TAFA2: variants seen among roughly 807,000 people sequenced by gnomAD.
TAFA2 encodes the protein TAFA chemokine like family member 2, also known as chemokine-like protein TAFA-2.
A neutral mutation model predicts 18.8 loss-of-function variants in TAFA2; 7 were observed. That is an observed-to-expected ratio of 0.37 (90% CI 0.21 to 0.70). The LOEUF (loss-of-function observed/expected upper bound fraction) is 0.70. Ranked by LOEUF, TAFA2 falls within the 30% of genes least tolerant of loss-of-function variation. The probability of loss-of-function intolerance (pLI) is 0.53; values close to 1 mark genes in which losing one functional copy is unlikely to be tolerated. For synonymous variants in TAFA2, 60 were observed against 54.2 expected (o/e 1.11, Z -0.47); for missense variants, 122 against 158.1 (o/e 0.77, Z 1.23).
chr12:62,106,444 G>T (rs1462712542), intron 1 of TAFA2, among the ~76,000 whole-genome samples: 2 of 152,154 alleles, frequency 1.3e-5, no homozygotes, highest in Non-Finnish European at 2.9e-5. Flanking sequence ...CCTAAATTCA[G>T]ACGTTATCCA....
At chr12:61,960,487 T>G (rs975750610) in intron 1 of TAFA2, among the ~76,000 whole-genome samples, 2 of 152,082 alleles carry the variant, frequency 1.3e-5, no homozygotes, top group African/African-American at 4.8e-5. Context: ...TAGTGACTCA[T>G]TTTGTCTTCA....
At chr12:61,760,547 T>G (rs1473685027) in intron 2 of TAFA2, among the ~76,000 whole-genome samples, 5 of 151,760 alleles carry the variant, frequency 3.3e-5, no homozygotes, top group Non-Finnish European at 7.4e-5. Flanking sequence ...CAAAGACTAA[T>G]TTTTCATGTA....
At chr12:62,029,154 C>A (rs1328746390) in intron 1 of TAFA2, among the ~76,000 whole-genome samples, 1 of 151,652 alleles carries the variant, frequency 6.6e-6, no homozygotes, top group Non-Finnish European at 1.5e-5. Context: ...TTTAAAAATC[C>A]TTTTGTTTTG....
At chr12:62,119,685 C>A (rs569616747) in intron 1 of TAFA2, among the ~76,000 whole-genome samples, 2 of 152,042 alleles carry the variant, frequency 1.3e-5, no homozygotes, top group Non-Finnish European at 2.9e-5. Context: ...AAAGGCACAC[C>A]AAAAAGTAAA....
intron 1 of TAFA2, among the ~76,000 whole-genome samples, chr12:62,043,395 C>T (rs550583884): frequency 6.6e-6 from 1 of 150,704 alleles, no homozygotes; most frequent in African/African-American, 2.4e-5. Context: ...TTCTCACTTA[C>T]AGGTGGGAAT....
chr12:61,996,830 T>C (rs1880205630), intron 1 of TAFA2, among the ~76,000 whole-genome samples: 1 of 152,182 alleles, frequency 6.6e-6, no homozygotes, highest in Non-Finnish European at 1.5e-5. Flanking sequence ...TATTTCTCTA[T>C]TTTTATAACC....
At chr12:61,751,063 T>C (rs996443043) in intron 4 of TAFA2, among the ~76,000 whole-genome samples, 1 of 152,104 alleles carries the variant, frequency 6.6e-6, no homozygotes, top group African/African-American at 2.4e-5. Context: ...TAGTGCTATT[T>C]ATGCATGATG....
chr12:61,992,528 T>A (rs1243594789), intron 1 of TAFA2, among the ~76,000 whole-genome samples: 3 of 152,284 alleles, frequency 2.0e-5, no homozygotes, highest in Middle Eastern at 3.4e-3. Context: ...TGTTCCTACA[T>A]AGCAGCTAGA....
chr12:61,908,820 C>G (rs938471997), intron 1 of TAFA2, among the ~76,000 whole-genome samples: 2 of 152,168 alleles, frequency 1.3e-5, no homozygotes, highest in African/African-American at 4.8e-5. Context: ...GACAGGAGAA[C>G]TATATAATAT....
chr12:62,216,832 A>G (rs2062737876), intron 1 of TAFA2, among the ~76,000 whole-genome samples: 1 of 152,240 alleles, frequency 6.6e-6, no homozygotes. Context: ...AAAACATAGC[A>G]TTGGTTCACT....
At position 62,110,202 on chromosome 12, in the gene TAFA2, T is replaced by C. The variant is rs775546361; in HGVS notation, c.-2+81057A>G. 4.6e-5 allele frequency among the ~76,000 whole-genome samples: 7 copies of C among 152,234 alleles called. 1 individual carries two copies. The highest frequency in any genetic ancestry group is 7.3e-5 in the Non-Finnish European group (5 of 68,042). On this transcript the variant is annotated intron_variant, in intron 1 of 4. Transcript: ENST00000416284. ...TTTAGCATGAAGGGATGTTGAATTT[T>C]ATCGAAGGCCTTTTCTGCATCTACT...
intron 4 of TAFA2, among the ~76,000 whole-genome samples, chr12:61,741,217 A>T (rs1868427715): frequency 6.6e-6 from 1 of 151,386 alleles, no homozygotes; most frequent in Admixed American, 6.6e-5. Context: ...GTGTAGCCCC[A>T]ATTTTTTATA....
intron 2 of TAFA2, among the ~76,000 whole-genome samples, chr12:61,756,648 G>A (rs762357835): frequency 1.3e-5 from 2 of 152,032 alleles, no homozygotes; most frequent in Non-Finnish European, 2.9e-5. Context: ...AGCACCCACG[G>A]TAATAATTAA....
intron 1 of TAFA2, among the ~76,000 whole-genome samples, chr12:61,898,132 G>A (rs1053371786): frequency 4.6e-5 from 7 of 152,224 alleles, no homozygotes; most frequent in Non-Finnish European, 1.0e-4. Flanking sequence ...GATGCAAGAG[G>A]TGGGCTCCCA....
chr12:62,039,332 T>A (rs1002189006), intron 1 of TAFA2, among the ~76,000 whole-genome samples: 4 of 152,216 alleles, frequency 2.6e-5, no homozygotes, highest in Non-Finnish European at 4.4e-5. Flanking sequence ...TGAAAACCGC[T>A]GAGTAAGGGC....
intron 1 of TAFA2, among the ~76,000 whole-genome samples, chr12:62,202,020 T>C (rs4763162): frequency 0.03 from 4,604 of 152,312 alleles, 222 homozygotes; most frequent in East Asian, 0.15. Flanking sequence ...TTCTAGTTTA[T>C]TTGCATAGAT....
chr12:61,977,965 C>T (rs1879496989), intron 1 of TAFA2, among the ~76,000 whole-genome samples: 3 of 151,964 alleles, frequency 2.0e-5, no homozygotes, highest in South Asian at 2.1e-4. Flanking sequence ...AGGGTTTTGC[C>T]TTCTTTTAGA....
chr12:61,753,789 G>A (rs745840371), intron 3 of TAFA2, 43 bp from the exon 4 acceptor site: 21 of 1,571,646 alleles, frequency 1.3e-5, no homozygotes, highest in Middle Eastern at 1.7e-4. Flanking sequence ...TTTTTCTTGG[G>A]ACTTATTTCT....
At chr12:62,122,028 C>T (rs959292887) in intron 1 of TAFA2, among the ~76,000 whole-genome samples, 1 of 152,132 alleles carries the variant, frequency 6.6e-6, no homozygotes, top group African/African-American at 2.4e-5. Flanking sequence ...GATGAGAACA[C>T]ATGAACACAC....
Sources: allele counts gnomAD v4.1 joint callset (sites outside exome capture counted in the v4.1 genomes callset), GRCh38; gene constraint gnomAD v4.1.1; transcripts MANE v1.5; gene names NCBI Gene and HGNC (gene_info 2026-07-23, HGNC 2026-07-21).